The following PCDHA7 variants were observed in gnomAD, a reference collection of about 807,000 sequenced individuals.
The protein encoded by PCDHA7 is protocadherin alpha 7, also known as protocadherin alpha-7.
A neutral mutation model predicts 57.2 loss-of-function variants in PCDHA7; 37 were observed. The ratio of observed to expected loss-of-function variants is 0.65; its 90% CI spans 0.50 to 0.85. The LOEUF (loss-of-function observed/expected upper bound fraction) is 0.85, where lower values mean the gene tolerates loss of function less well. Ranked by LOEUF, PCDHA7 falls within the 40% of genes least tolerant of loss-of-function variation. PCDHA7 has a pLI of 0.00. For synonymous variants in PCDHA7, 553 were observed against 558.8 expected (o/e 0.99, Z 0.15); for missense variants, 1,188 against 1,241.8 (o/e 0.96, Z 0.65).
At chr5:140,992,918 A>C (rs1362238628) in intron 3 of PCDHA7, among the ~76,000 whole-genome samples, 2 of 152,186 alleles carry the variant, frequency 1.3e-5, no homozygotes, top group Non-Finnish European at 2.9e-5. Context: ...GGCCCTCTCC[A>C]TACTTACAGC....
rs2150409803 is a variant in PCDHA7, at chr5:140,848,387, C to G, written c.2355+11649C>G. The G allele has an allele frequency of 1.0e-3, 1,245 of 1,223,718 alleles. 70 individuals are homozygous for G. In the African/African-American group the frequency reaches 0.017, roughly 16 times the overall value. 75.8% of individuals were successfully genotyped at this position (1,223,718 alleles called of 1,614,324 possible). On this transcript the variant is annotated intron_variant, in intron 1 of 3. Coordinates refer to ENST00000525929, the MANE Select transcript of PCDHA7 (RefSeq NM_018910.3). The stretch of plus-strand genomic sequence containing the variant: ...AAGAGGCTCAATTCTTTTTCACTCT[C>G]TCTGTGCTGAACGATGGCGAACACA...
At chr5:140,982,453 C>T (rs1554244194) in intron 2 of PCDHA7, 22 bp from the exon 3 acceptor site, 5 of 1,613,812 alleles carry the variant, frequency 3.1e-6, no homozygotes, top group African/African-American at 1.3e-5. Context: ...TAACCGTTAT[C>T]TGGGTCTGTG....
At chr5:140,890,886 A>G (rs1332125590) in intron 1 of PCDHA7, among the ~76,000 whole-genome samples, 3 of 151,952 alleles carry the variant, frequency 2.0e-5, no homozygotes, top group Admixed American at 1.3e-4. Flanking sequence ...TTCATCAGGG[A>G]TTATTGTCTT....
intron 1 of PCDHA7, among the ~76,000 whole-genome samples, chr5:140,972,811 G>A (rs1458279738): frequency 2.6e-5 from 4 of 151,876 alleles, no homozygotes; most frequent in African/African-American, 4.8e-5. Flanking sequence ...TTACAGGCAC[G>A]CGCCACCACG....
At chr5:140,901,161 G>A (rs1554189608) in intron 1 of PCDHA7, among the ~76,000 whole-genome samples, 1 of 152,084 alleles carries the variant, frequency 6.6e-6, no homozygotes, top group African/African-American at 2.4e-5. Flanking sequence ...TCTGTGGGTT[G>A]TCTCTTCACT....
rs558780713 is a variant in PCDHA7, at chr5:140,870,170, T to C, written c.2355+33432T>C. ...GAAGTCGCCGTGACTTCCTTGTCCCTCCCAGTACGAGAGGACGCTCAGCCC... is the reference window on the plus strand; with the variant it reads ...GAAGTCGCCGTGACTTCCTTGTCCCCCCCAGTACGAGAGGACGCTCAGCCC... On this transcript the variant is annotated intron_variant, in intron 1 of 3. Coordinates refer to ENST00000525929, the MANE Select transcript of PCDHA7 (RefSeq NM_018910.3). 8 of 1,614,100 alleles carry C rather than the reference T, an allele frequency of 5.0e-6. No homozygotes were observed. In the Admixed American group the frequency reaches 1.0e-4, roughly 20 times the overall value.
At chr5:140,926,529 A>T in intron 1 of PCDHA7, 1 of 209,686 alleles carries the variant, frequency 4.8e-6, no homozygotes, top group Admixed American at 5.9e-5. Context: ...CTGCGCCCGC[A>T]GCCAGCGTGG....
rs1340886726 is a variant in PCDHA7, at chr5:140,874,290, G to A, written c.2355+37552G>A. Among the ~76,000 whole-genome samples, 3 of 152,146 alleles carry A rather than the reference G, an allele frequency of 2.0e-5. No homozygotes were observed. The East Asian group carries it at 5.8e-4, about 29-fold the overall frequency. On this transcript the variant is annotated intron_variant, in intron 1 of 3. Transcript: ENST00000525929. ...GTATTAATAGACTTACAAAATCTAT[G>A]TGTACTTGTTCACAATGAGTTGTAG...
chr5:140,866,561 T>C (rs2049423335), intron 1 of PCDHA7: 1 of 152,136 alleles, frequency 6.6e-6, no homozygotes, highest in Non-Finnish European at 1.5e-5. Context: ...TCCTATAATT[T>C]TGTTAATACA....
intron 1 of PCDHA7, chr5:140,862,407 C>T: frequency 2.8e-6 from 1 of 351,564 alleles, no homozygotes; most frequent in Non-Finnish European, 5.6e-6. Flanking sequence ...TGTCTACCTT[C>T]AAAAGGCGCT....
chr5:140,914,473 G>A (rs1162580496), intron 1 of PCDHA7, among the ~76,000 whole-genome samples: 1 of 152,116 alleles, frequency 6.6e-6, no homozygotes, highest in Admixed American at 6.6e-5. Flanking sequence ...TATCTTCATA[G>A]GTGAAGTGTT....
intron 1 of PCDHA7, among the ~76,000 whole-genome samples, chr5:140,905,700 A>G (rs926526227): frequency 3.9e-5 from 6 of 152,136 alleles, no homozygotes; most frequent in Non-Finnish European, 5.9e-5. Context: ...TGTGTCATTT[A>G]TGATTTCCTT....
chr5:140,942,120 A>G (rs2093234009), intron 1 of PCDHA7, among the ~76,000 whole-genome samples: 1 of 152,234 alleles, frequency 6.6e-6, no homozygotes, highest in South Asian at 2.1e-4. Flanking sequence ...ACTTTATTAA[A>G]GGTGATATTT....
At chr5:140,882,701 T>C in intron 1 of PCDHA7, 2 of 1,614,138 alleles carry the variant, frequency 1.2e-6, no homozygotes, top group South Asian at 1.1e-5. Context: ...CATTGCAGAA[T>C]CTAGACCTCC....
At chr5:140,854,117 G>A (rs1311675249) in intron 1 of PCDHA7, 2 of 316,896 alleles carry the variant, frequency 6.3e-6, no homozygotes, top group African/African-American at 5.1e-5. Flanking sequence ...AACTGTGATG[G>A]CACAACTGCA....
intron 1 of PCDHA7, chr5:140,876,605 A>T (rs1582292779): frequency 6.2e-7 from 1 of 1,614,060 alleles, no homozygotes; most frequent in South Asian, 1.1e-5. Context: ...TCGGATCGTG[A>T]CTCTGGAGCC....
At chr5:140,933,003 G>A (rs1466484630) in intron 1 of PCDHA7, among the ~76,000 whole-genome samples, 5 of 151,902 alleles carry the variant, frequency 3.3e-5, no homozygotes, top group East Asian at 1.9e-4. Flanking sequence ...TATGAATATC[G>A]GAAATATTAA....
At chr5:140,936,986 A>G (rs2091244455) in intron 1 of PCDHA7, among the ~76,000 whole-genome samples, 1 of 151,898 alleles carries the variant, frequency 6.6e-6, no homozygotes, top group Non-Finnish European at 1.5e-5. Context: ...GCTTGTTAAC[A>G]TTGACAATAT....
chr5:141,009,923 A>T lies in PCDHA7; in HGVS notation c.2800A>T (p.Asn934Tyr), dbSNP rs1463725058. The change falls in exon 4 of 4, where the codon AAC becomes TAC. Residue 934 changes from asparagine (N) to tyrosine (Y), a missense_variant. By Grantham distance (143) the Asn-to-Tyr change is moderately radical. Around this residue, in one of 3 missense-constraint regions of PCDHA7, gnomAD observed 892 missense variants for 788.5 expected, o/e 1.13. Coordinates refer to ENST00000525929, the MANE Select transcript of PCDHA7 (RefSeq NM_018910.3). ...KKEKGNSTTD[N>Y]SDQ ...AGAGAAAGGGAACAGCACGACTGAC[A>T]ACAGTGACCAGTGAGGTCCTCAAAT... 6.2e-7 allele frequency: 1 copy of T among 1,608,790 alleles called. No homozygotes were observed. The highest frequency in any genetic ancestry group is 8.5e-7 in the Non-Finnish European group (1 of 1,178,528).
Sources: gnomAD v4.1 joint callset for allele counts (sites outside exome capture counted in the v4.1 genomes callset) on GRCh38, gnomAD v4.1.1 for gene constraint, gnomAD v4.1.1 regional missense constraint, MANE v1.5 for transcripts, NCBI Gene and HGNC (gene_info 2026-07-23, HGNC 2026-07-21) for gene names.